Variants in SLC38A1 observed in about 807,000 individuals in gnomAD.
SLC38A1 encodes solute carrier family 38 member 1, also known as sodium-coupled neutral amino acid symporter 1.
In SLC38A1, 18 loss-of-function variants were observed where a neutral mutation model predicts 60.3. The ratio of observed to expected loss-of-function variants is 0.30; its 90% confidence interval spans 0.21 to 0.44. The LOEUF (loss-of-function observed/expected upper bound fraction) is 0.44, where lower values mean the gene tolerates loss of function less well. SLC38A1 is among the 20% of genes least tolerant of loss of function. SLC38A1 has a pLI of 1.00. For synonymous variants in SLC38A1, 196 were observed against 212.1 expected (o/e 0.92, Z 0.66); for missense variants, 448 against 587.2 (o/e 0.76, Z 2.45).
intron 2 of SLC38A1, among the ~76,000 whole-genome samples, chr12:46,242,102 CAGAG>C (rs894117280): frequency 2.6e-4 from 39 of 152,172 alleles, no homozygotes; most frequent in African/African-American, 8.4e-4. Flanking sequence ...TAGTAAGAAA[CAGAG>C]AAGAAGGCAA....
chr12:46,252,688 C>CATAT (rs58231001), intron 1 of SLC38A1, among the ~76,000 whole-genome samples: 3 of 150,664 alleles, frequency 2.0e-5, no homozygotes, highest in South Asian at 2.1e-4. Flanking sequence ...GATGATCACT[C>CATAT]ATATATATAT....
intron 1 of SLC38A1, among the ~76,000 whole-genome samples, chr12:46,266,647 T>C (rs967674053): frequency 6.6e-6 from 1 of 152,060 alleles, no homozygotes; most frequent in Non-Finnish European, 1.5e-5. Context: ...ACCTGAAATG[T>C]ATATGCCTAC....
intron 2 of SLC38A1, among the ~76,000 whole-genome samples, chr12:46,241,537 C>G (rs533281352): frequency 6.6e-6 from 1 of 152,284 alleles, no homozygotes; most frequent in South Asian, 2.1e-4. Context: ...GGCACTTCCT[C>G]AAGAAGGAGG....
At chr12:46,256,636 C>CACACACACACACACACACACAG (rs142176282) in intron 1 of SLC38A1, among the ~76,000 whole-genome samples, 2 of 123,268 alleles carry the variant, frequency 1.6e-5, no homozygotes, top group African/African-American at 6.8e-5. Context: ...CACACACACA[C>CACACACACACACACACACACAG]AGAGAGAGAG....
At chr12:46,252,332 T>G (rs946639655) in intron 1 of SLC38A1, among the ~76,000 whole-genome samples, 5 of 152,016 alleles carry the variant, frequency 3.3e-5, no homozygotes, top group African/African-American at 1.2e-4. Context: ...CACCGGGGCC[T>G]GTCACAGGGT....
rs562196922 is a variant in SLC38A1, at chr12:46,200,159, T to C, written c.1003+939A>G. On this transcript the variant is annotated intron_variant, in intron 13 of 16. Coordinates refer to ENST00000398637, the MANE Select transcript of SLC38A1 (RefSeq NM_030674.4). ...ATGCACCTTAGCAACACCATTTTTA[T>C]GTAAAAATTAAATGTGGTATTTATG... Among the ~76,000 whole-genome samples, 125 of 152,344 alleles carry C rather than the reference T, an allele frequency of 8.2e-4. 1 individual carries two copies. Among genetic ancestry groups the C allele is most frequent in the African/African-American group, 2.9e-3 (120 of 41,586 alleles).
intron 8 of SLC38A1, 44 bp from the exon 9 acceptor site, chr12:46,206,206 G>T: frequency 8.1e-7 from 1 of 1,230,752 alleles, no homozygotes; most frequent in Non-Finnish European, 1.2e-6. Context: ...TTTAGAAAGT[G>T]ACTTTTTTCC....
rs1233673020 is a variant in SLC38A1 at position 46,186,314 on chromosome 12, T to C, written c.*2656A>G. 1 of 152,178 alleles carries C rather than the reference T, an allele frequency of 6.6e-6. No homozygotes were observed. The highest frequency in any genetic ancestry group is 1.9e-4 in the East Asian group (1 of 5,196). The allele number at this position is 152,178 out of a possible 1,614,324, so 9.4% of individuals were successfully genotyped here. A position where few individuals can be genotyped will look rare whatever the true frequency, so the allele number is the denominator to read the frequency against. On this transcript the variant is annotated 3_prime_UTR_variant, in exon 17 of 17. Transcript: ENST00000398637. ...ACAATAACTAGAGAACAGTTCTAAG[T>C]CCAAAGTGTGGAACTGGCACTGTTC... is the stretch of plus-strand genomic sequence containing the variant.
At chr12:46,222,882 G>A (rs1319911878) in intron 5 of SLC38A1, among the ~76,000 whole-genome samples, 2 of 151,994 alleles carry the variant, frequency 1.3e-5, no homozygotes, top group East Asian at 1.9e-4. Context: ...TGACATCCTC[G>A]GTCTACAGTT....
chr12:46,219,058 G>A (rs528857812), intron 5 of SLC38A1, among the ~76,000 whole-genome samples: 2 of 152,320 alleles, frequency 1.3e-5, no homozygotes, highest in Admixed American at 6.5e-5. Context: ...CCCCTAAACT[G>A]TAATTTCTAA....
chr12:46,209,527 G>C (rs1361802919), intron 5 of SLC38A1, among the ~76,000 whole-genome samples: 1 of 152,156 alleles, frequency 6.6e-6, no homozygotes, highest in Non-Finnish European at 1.5e-5. Flanking sequence ...TTAGGAGAAT[G>C]ACCACCTGAC....
intron 16 of SLC38A1, among the ~76,000 whole-genome samples, chr12:46,193,934 T>C (rs1939256634): frequency 6.6e-6 from 1 of 152,206 alleles, no homozygotes. Context: ...CCCATTTACA[T>C]TTGAGGTTAA....
rs1941475428 is a variant in SLC38A1, at chr12:46,242,425, A to G, written c.-94+775T>C. The stretch of plus-strand genomic sequence containing the variant: ...AAATGCAGGGATCTCAGGCAGCTTC[A>G]TAGAAAAGTCACATTTGGATTGGAC... On this transcript the variant is annotated intron_variant, in intron 2 of 16. Coordinates refer to ENST00000398637, the MANE Select transcript of SLC38A1 (RefSeq NM_030674.4). 2.6e-5 allele frequency among the ~76,000 whole-genome samples: 4 copies of G among 152,204 alleles called. No homozygotes were observed. The South Asian group carries it at 6.2e-4, about 24-fold the overall frequency.
At chr12:46,217,326 G>A (rs1592101085) in intron 5 of SLC38A1, among the ~76,000 whole-genome samples, 2 of 152,172 alleles carry the variant, frequency 1.3e-5, no homozygotes, top group Non-Finnish European at 2.9e-5. Flanking sequence ...AACATCCAGA[G>A]TGGAATAACA....
intron 5 of SLC38A1, among the ~76,000 whole-genome samples, chr12:46,216,852 G>A (rs1190938767): frequency 6.8e-6 from 1 of 146,090 alleles, no homozygotes; most frequent in Non-Finnish European, 1.5e-5. Context: ...AGAGTGAGAT[G>A]CCGTTTCAAA....
At position 46,239,683 on chromosome 12, in the gene SLC38A1, T is replaced by C; in HGVS notation, c.118A>G (p.Asn40Asp). 2 of 1,613,728 alleles carry C rather than the reference T, an allele frequency of 1.2e-6. No homozygotes were observed. Among genetic ancestry groups the C allele is most frequent in the Non-Finnish European group, 1.7e-6 (2 of 1,179,926 alleles). Residue 40 changes from asparagine to aspartate, a missense_variant, in exon 3 of 17, where the codon AAT becomes GAT. Asn to Asp is a conservative substitution (Grantham distance 23). Around this residue, in one of 2 missense-constraint regions of SLC38A1, gnomAD observed 102 missense variants for 89.7 expected, o/e 1.14. Transcript: ENST00000398637. Reference sequence around the variant, plus strand: ...TGTTAGTGGAAAAATACTCACCTATTTATCTGACCATTTTCTACTTCGGTG... The same window carrying C: ...TGTTAGTGGAAAAATACTCACCTATCTATCTGACCATTTTCTACTTCGGTG... ...DFTEVENGQI[N>D]SKFISDRESR...
intron 5 of SLC38A1, among the ~76,000 whole-genome samples, chr12:46,223,688 T>G (rs1298710341): frequency 6.6e-6 from 1 of 152,230 alleles, no homozygotes; most frequent in East Asian, 1.9e-4. Context: ...TTTACACACA[T>G]TGTACTTTTG....
intron 16 of SLC38A1, among the ~76,000 whole-genome samples, chr12:46,193,481 A>G (rs1592059770): frequency 6.6e-6 from 1 of 152,306 alleles, no homozygotes; most frequent in Middle Eastern, 3.4e-3. Flanking sequence ...AGTCCTGGAT[A>G]TCCTTGATAA....
At chr12:46,264,525 C>T (rs954288311) in intron 1 of SLC38A1, among the ~76,000 whole-genome samples, 1 of 152,070 alleles carries the variant, frequency 6.6e-6, no homozygotes, top group East Asian at 1.9e-4. Context: ...GAAATAAGTA[C>T]AACAATATTT....
Sources: allele counts gnomAD v4.1 joint callset (sites outside exome capture counted in the v4.1 genomes callset), GRCh38; gene constraint gnomAD v4.1.1; regional missense constraint gnomAD v4.1.1; transcripts MANE v1.5; gene names NCBI Gene and HGNC (gene_info 2026-07-23, HGNC 2026-07-21).